The following PTAR1 variants were observed in gnomAD, a reference collection of about 807,000 sequenced individuals.
The protein encoded by PTAR1 is protein prenyltransferase alpha subunit repeat-containing protein 1.
In PTAR1, 17 loss-of-function variants were observed where a neutral mutation model predicts 45.5. That is an observed-to-expected ratio of 0.37 (90% CI 0.26 to 0.56). PTAR1 has a LOEUF of 0.56. PTAR1 is among the 20% of genes least tolerant of loss of function. PTAR1 has a pLI of 0.77. For missense variants in PTAR1, 391 were observed against 476.3 expected, an observed-to-expected ratio of 0.82 and a Z score of 1.67; for synonymous variants, 169 against 171.3, an observed-to-expected ratio of 0.99 and a Z score of 0.11.
At chr9:69,723,721 CT>C in intron 5 of PTAR1, 91 bp from the exon 6 acceptor site, 3 of 1,016,618 alleles carry the variant, frequency 3.0e-6, no homozygotes, top group Admixed American at 2.4e-5. Flanking sequence ...TGATTTGTTC[CT>C]TTTTTGACAA....
In PTAR1 at chr9:69,738,951, A is replaced by G. The variant is rs370853440; in HGVS notation, c.323+2841T>C. Among the ~76,000 whole-genome samples the G allele has an allele frequency of 5.1e-3, 767 of 151,736 alleles. 7 individuals carry two copies. The highest frequency in any genetic ancestry group is 0.018 in the African/African-American group (734 of 41,396). The stretch of plus-strand genomic sequence containing the variant: ...GCCTCCAGAGTGGCTGGGACTACAC[A>G]TGTGCACTGACACGCACGGCTAATT... On this transcript the variant is annotated intron_variant, in intron 3 of 7. Transcript: ENST00000340434.
At chr9:69,739,292 C>T (rs1006649336) in intron 3 of PTAR1, among the ~76,000 whole-genome samples, 3 of 151,896 alleles carry the variant, frequency 2.0e-5, no homozygotes, top group African/African-American at 7.3e-5. Flanking sequence ...ATTCTAGTTG[C>T]TCAAAGGTGT....
rs60025062 is a variant in PTAR1 at position 69,754,532 on chromosome 9, C to CTTTTTTTTT, written c.87-3591_87-3583dup. Among the ~76,000 whole-genome samples the CTTTTTTTTT allele has an allele frequency of 6.0e-4, 46 of 76,264 alleles. 2 individuals carry two copies. The highest frequency in any genetic ancestry group is 2.4e-3 in the African/African-American group (41 of 17,396). The allele number at this position is 76,264 out of a possible 152,430, so 50.0% of individuals were successfully genotyped here. ...GCTATTAACATGTTTGGGTATATAT[C>CTTTTTTTTT]TTTTTTTTTTTTTTTTTTTTTTTCC... is the stretch of plus-strand genomic sequence containing the variant. On this transcript the variant is annotated intron_variant, in intron 1 of 7. Coordinates refer to ENST00000340434, the MANE Select transcript of PTAR1 (RefSeq NM_001099666.2).
intron 5 of PTAR1, among the ~76,000 whole-genome samples, chr9:69,727,853 GA>G (rs963189888): frequency 2.6e-5 from 4 of 152,020 alleles, no homozygotes; most frequent in Admixed American, 6.6e-5. Flanking sequence ...TTTTTGAAGT[GA>G]AAAAATAAAT....
intron 6 of PTAR1, among the ~76,000 whole-genome samples, chr9:69,719,246 A>T (rs766274588): frequency 6.6e-6 from 1 of 152,162 alleles, no homozygotes; most frequent in Non-Finnish European, 1.5e-5. Context: ...TTAAACATCC[A>T]CATGCATTGG....
At chr9:69,754,721 TA>T (rs1390893991) in intron 1 of PTAR1, among the ~76,000 whole-genome samples, 2,532 of 26,784 alleles carry the variant, frequency 0.095, 64 homozygotes, top group African/African-American at 0.15. Context: ...TATATATATA[TA>T]TTTTTTTTTT....
Position 69,715,613 on chromosome 9 carries a change from A to C in PTAR1, c.*2729T>G, listed in dbSNP as rs2134064569. On this transcript the variant is annotated 3_prime_UTR_variant, in exon 8 of 8. Transcript: ENST00000340434. ...AAGTTTAATGAAATATGTGTCAATA[A>C]GCCATCTTTTCCTTTTAACAATTAG... 1 of 152,264 alleles carries C rather than the reference A, an allele frequency of 6.6e-6. No homozygotes were observed. Among genetic ancestry groups the C allele is most frequent in the South Asian group, 2.1e-4 (1 of 4,830 alleles). The allele number at this position is 152,264 out of a possible 1,614,324, so 9.4% of individuals were successfully genotyped here.
intron 6 of PTAR1, among the ~76,000 whole-genome samples, chr9:69,722,477 G>T (rs1825056650): frequency 6.6e-6 from 1 of 152,148 alleles, no homozygotes; most frequent in South Asian, 2.1e-4. Flanking sequence ...CTCTCAAAGA[G>T]AAATTCTCTT....
Position 69,750,698 on chromosome 9 carries a change from G to C in PTAR1, c.256+83C>G, listed in dbSNP as rs887547972. ...AGAAGCAGAACTAGAATCCAGGAAT[G>C]CTGACACTCAGAGAAGGGCTCTTCC... On this transcript the variant is annotated intron_variant, in intron 2 of 7. Coordinates refer to ENST00000340434, the MANE Select transcript of PTAR1 (RefSeq NM_001099666.2). The C allele has an allele frequency of 4.5e-5, 43 of 959,720 alleles. No individual in the cohort carries two copies. In the African/African-American group the frequency reaches 6.3e-4, roughly 14 times the overall value. The allele number at this position is 959,720 out of a possible 1,614,324, so 59.5% of individuals were successfully genotyped here.
chr9:69,744,797 AT>A (rs1826204661), intron 2 of PTAR1, among the ~76,000 whole-genome samples: 1 of 152,222 alleles, frequency 6.6e-6, no homozygotes, highest in Non-Finnish European at 1.5e-5. Context: ...CAAATTATTC[AT>A]TCACTCAACA....
Position 69,744,445 on chromosome 9 carries a change from G to A in PTAR1, c.257-2587C>T, listed in dbSNP as rs149497617. On this transcript the variant is annotated intron_variant, in intron 2 of 7. Coordinates refer to ENST00000340434, the MANE Select transcript of PTAR1 (RefSeq NM_001099666.2). ...TTGTAGTACAAGTTGGAGTGCAGTG[G>A]TACAATCTTGGCTCACTGCAACCTC... Among the ~76,000 whole-genome samples, 10 of 151,184 alleles carry A rather than the reference G, an allele frequency of 6.6e-5. No homozygotes were observed. In the East Asian group the frequency reaches 1.9e-3, roughly 29 times the overall value.
At chr9:69,759,713 G>C (rs946366587) in intron 1 of PTAR1, 140 bp downstream of exon 1, 8 of 779,126 alleles carry the variant, frequency 1.0e-5, no homozygotes, top group Non-Finnish European at 1.5e-5. Context: ...GGTCCCGCCC[G>C]ACACGGCTCT....
Position 69,718,263 on chromosome 9 carries a change from A to G in PTAR1, c.*79T>C. ...ATATGGTTAGCCAATAATAGTAAAC[A>G]GTTCATGCAACTATGTAAATAATAA... On this transcript the variant is annotated 3_prime_UTR_variant, in exon 8 of 8. Transcript: ENST00000340434. The G allele has an allele frequency of 2.1e-6, 2 of 951,536 alleles. No individual in the cohort carries two copies. Among genetic ancestry groups the G allele is most frequent in the Non-Finnish European group, 3.1e-6 (2 of 644,122 alleles). The allele number at this position is 951,536 out of a possible 1,614,324, so 58.9% of individuals were successfully genotyped here.
intron 2 of PTAR1, among the ~76,000 whole-genome samples, chr9:69,744,424 AG>A (rs1826180346): frequency 6.7e-6 from 1 of 148,390 alleles, no homozygotes; most frequent in Non-Finnish European, 1.5e-5. Flanking sequence ...CTCACTTTGT[AG>A]TACAAGTTGG....
In PTAR1 at chr9:69,718,274, C is replaced by G; in HGVS notation, c.*68G>C. The G allele has an allele frequency of 1.8e-6, 2 of 1,099,192 alleles. No individual in the cohort carries two copies. The highest frequency in any genetic ancestry group is 5.0e-5 in the East Asian group (2 of 39,772). The allele number at this position is 1,099,192 out of a possible 1,614,324, so 68.1% of individuals were successfully genotyped here. ...CAATAATAGTAAACAGTTCATGCAA[C>G]TATGTAAATAATAAAAGAAAGCAAT... On this transcript the variant is annotated 3_prime_UTR_variant, in exon 8 of 8. Coordinates refer to ENST00000340434, the MANE Select transcript of PTAR1 (RefSeq NM_001099666.2).
chr9:69,712,474 T>C lies in PTAR1; in HGVS notation c.*5868A>G, dbSNP rs1458523479. 1 of 152,188 alleles carries C rather than the reference T, an allele frequency of 6.6e-6. No individual in the cohort carries two copies. The highest frequency in any genetic ancestry group is 1.5e-5 in the Non-Finnish European group (1 of 68,016). 9.4% of individuals were successfully genotyped at this position (152,188 alleles called of 1,614,324 possible). On this transcript the variant is annotated 3_prime_UTR_variant, in exon 8 of 8. Coordinates refer to ENST00000340434, the MANE Select transcript of PTAR1 (RefSeq NM_001099666.2). ...AACTGTATATCTTTGCCTTATGCAT[T>C]TGAAACTGATTATGTATTTTATGCA...
In PTAR1 at chr9:69,723,189, T is replaced by A. The variant is rs986004758; in HGVS notation, c.947+137A>T. 11 of 702,494 alleles carry A rather than the reference T, an allele frequency of 1.6e-5. No individual in the cohort carries two copies. In the East Asian group the frequency reaches 2.7e-4, roughly 17 times the overall value. 43.5% of individuals were successfully genotyped at this position (702,494 alleles called of 1,614,324 possible). ...TGATATGGTAACACAAAACCTCTTGTATTCACTCAGGCAAAGCTCCACAAT... is the reference window on the plus strand; with the variant it reads ...TGATATGGTAACACAAAACCTCTTGAATTCACTCAGGCAAAGCTCCACAAT... On this transcript the variant is annotated intron_variant, in intron 6 of 7. Coordinates refer to ENST00000340434, the MANE Select transcript of PTAR1 (RefSeq NM_001099666.2).
At chr9:69,755,648 C>G (rs1229274027) in intron 1 of PTAR1, among the ~76,000 whole-genome samples, 3 of 151,986 alleles carry the variant, frequency 2.0e-5, no homozygotes, top group Admixed American at 6.6e-5. Context: ...GCTCCCACCC[C>G]CCAAAAGAAC....
chr9:69,732,874 T>C (rs1345256377), intron 4 of PTAR1, among the ~76,000 whole-genome samples: 1 of 152,218 alleles, frequency 6.6e-6, no homozygotes, highest in African/African-American at 2.4e-5. Context: ...CAAATATAAT[T>C]CATTAAACCA....
Sources: allele counts gnomAD v4.1 joint callset (sites outside exome capture counted in the v4.1 genomes callset), GRCh38; gene constraint gnomAD v4.1.1; transcripts MANE v1.5; gene names NCBI Gene and HGNC (gene_info 2026-07-23, HGNC 2026-07-21).